CCDC180: variants seen among roughly 807,000 people sequenced by gnomAD.
CCDC180 encodes the protein coiled-coil domain containing 180, also known as coiled-coil domain-containing protein 180.
CCDC180 carries 154 observed loss-of-function variants against 209.2 expected under a neutral mutation model. The ratio of observed to expected loss-of-function variants is 0.74; its 90% confidence interval spans 0.65 to 0.84. CCDC180 has a LOEUF of 0.84. CCDC180 is among the 40% of genes least tolerant of loss of function. The pLI is 0.00. For missense variants in CCDC180, 1,874 were observed against 1,997.3 expected (o/e 0.94, Z 1.18); for synonymous variants, 778 against 749.1 (o/e 1.04, Z -0.63).
chr9:97,330,743 G>A lies in CCDC180; in HGVS notation c.2250G>A (p.Glu750=). ...AGGAGGAGAAGGAGGCACAGGAAGA[G>A]CAAGAGAGTTTATCTGTGGGTGAGG... ...EEKEEKEAQE[E]QESLSVGEEE... is the part of the protein sequence containing the mutation. Residue 750 remains glutamate, a synonymous_variant, in exon 18 of 37, where the codon GAG becomes GAA. Coordinates refer to ENST00000529487, the MANE Select transcript of CCDC180 (RefSeq NM_020893.6). 2.5e-6 allele frequency: 4 copies of A among 1,601,664 alleles called. No homozygotes were observed. The highest frequency in any genetic ancestry group is 3.4e-6 in the Non-Finnish European group (4 of 1,179,280).
chr9:97,319,984 C>A, intron 10 of CCDC180, 142 bp from the exon 11 acceptor site: 1 of 685,308 alleles, frequency 1.5e-6, no homozygotes, highest in South Asian at 1.9e-5. Flanking sequence ...GTTTTGGCAC[C>A]AGGAAATCCC....
Position 97,371,693 on chromosome 9 carries a change from T to C in CCDC180, c.4587T>C (p.Asp1529=), listed in dbSNP as rs148230904. The change falls in exon 34 of 37, where the codon GAT becomes GAC. Residue 1529 remains aspartate (D), a synonymous_variant. Coordinates refer to ENST00000529487, the MANE Select transcript of CCDC180 (RefSeq NM_020893.6). ...TGGATGAGGTGGTCACCATTGACGA[T>C]GTCCAGGTTGCAAGTAAGAGGCACC... is the stretch of plus-strand genomic sequence containing the variant. The part of the protein sequence containing the change: ...LQLDEVVTID[D]VQVARMEPPK... 161 of 1,592,010 alleles carry C rather than the reference T, an allele frequency of 1.0e-4. No homozygotes were observed. Among genetic ancestry groups the C allele is most frequent in the Non-Finnish European group, 1.3e-4 (153 of 1,162,890 alleles).
chr9:97,356,920 T>C (rs958363282), intron 24 of CCDC180, among the ~76,000 whole-genome samples: 3 of 152,244 alleles, frequency 2.0e-5, no homozygotes, highest in Non-Finnish European at 4.4e-5. Flanking sequence ...GATGGGGATA[T>C]GCCAAAATTG....
Position 97,347,449 on chromosome 9 carries a change from A to G in CCDC180, c.2634A>G (p.Arg878=), listed in dbSNP as rs1826293177. 6.5e-7 allele frequency: 1 copy of G among 1,536,050 alleles called. No homozygotes were observed. Among genetic ancestry groups the G allele is most frequent in the African/African-American group, 1.4e-5 (1 of 73,044 alleles). Residue 878 remains arginine (R), a synonymous_variant, in exon 20 of 37, where the codon AGA becomes AGG. Transcript: ENST00000529487. The part of the protein sequence containing the change: ...LELHLHLHQP[R]AQQIEKDIHN... The stretch of plus-strand genomic sequence containing the variant: ...TGCATCTGCACCTGCACCAGCCAAG[A>G]GCCCAGCAGATTGAAAAAGACATCC...
rs753891291 is a variant in CCDC180 at position 97,330,582 on chromosome 9, C to T, written c.2089C>T (p.Gln697Ter). The T allele has an allele frequency of 3.1e-6, 5 of 1,613,910 alleles. No individual in the cohort carries two copies. Among genetic ancestry groups the T allele is most frequent in the Non-Finnish European group, 4.2e-6 (5 of 1,180,002 alleles). The change falls in exon 18 of 37, where the codon CAG becomes TAG. Residue 697 changes from glutamine (Q) to a stop codon, truncating the protein, a stop_gained. Transcript: ENST00000529487. LOFTEE classifies it high-confidence loss of function. ...EGSIQGLEEM[Q>*]VEREGSLNPS... ...CTCTATTCAGGGACTGGAAGAAATG[C>T]AGGTTGAAAGAGAGGGCTCCTTAAA...
intron 4 of CCDC180, among the ~76,000 whole-genome samples, 197 bp downstream of exon 4, chr9:97,312,398 G>A (rs565898170): frequency 4.4e-4 from 67 of 152,140 alleles, no homozygotes; most frequent in Non-Finnish European, 8.5e-4. Flanking sequence ...GCTGGGGGAG[G>A]AGGGGAGCCG....
chr9:97,317,711 C>A (rs968198030), intron 9 of CCDC180, among the ~76,000 whole-genome samples: 2 of 152,150 alleles, frequency 1.3e-5, no homozygotes, highest in Admixed American at 1.3e-4. Context: ...GTCCCTTGTC[C>A]ATGCTTCTTC....
intron 18 of CCDC180, among the ~76,000 whole-genome samples, chr9:97,339,500 G>C (rs1826012486): frequency 7.1e-6 from 1 of 140,264 alleles, no homozygotes; most frequent in Non-Finnish European, 1.5e-5. Context: ...CTCTCTTCTG[G>C]CTTGCAGGGT....
Position 97,343,328 on chromosome 9 carries a change from T to C in CCDC180, c.2275-12T>C. 6.4e-7 allele frequency: 1 copy of C among 1,551,362 alleles called. No individual in the cohort carries two copies. Among genetic ancestry groups the C allele is most frequent in the South Asian group, 1.1e-5 (1 of 89,554 alleles). On this transcript the variant is annotated splice_polypyrimidine_tract_variant and intron_variant, in intron 18 of 36. Transcript: ENST00000529487. ...TGATATCAAGTCAACTTTAGTGTTA[T>C]TGCCTGCTTAGGAAGAAGACAAGGA...
intron 18 of CCDC180, among the ~76,000 whole-genome samples, chr9:97,333,746 T>C (rs1369046617): frequency 6.6e-6 from 1 of 151,916 alleles, no homozygotes; most frequent in Non-Finnish European, 1.5e-5. Context: ...TGATAATGTA[T>C]TAATACTTTT....
Position 97,363,901 on chromosome 9 carries a change from G to A in CCDC180, c.3903-150G>A, listed in dbSNP as rs751731175. The A allele has an allele frequency of 1.2e-5, 8 of 676,348 alleles. No homozygotes were observed. The Admixed American group carries it at 1.3e-4, about 11-fold the overall frequency. 41.9% of individuals were successfully genotyped at this position (676,348 alleles called of 1,614,324 possible). ...ACTCACAGCTGTTGAGAAGGGAAAC[G>A]CCCCAAAGGGCTAGGCCCTAGAAAT... is the stretch of plus-strand genomic sequence containing the variant. On this transcript the variant is annotated intron_variant, in intron 28 of 36. Coordinates refer to ENST00000529487, the MANE Select transcript of CCDC180 (RefSeq NM_020893.6).
At position 97,359,999 on chromosome 9, in the gene CCDC180, A is replaced by T. The variant is rs1475745874; in HGVS notation, c.3381A>T (p.Glu1127Asp). Residue 1127 changes from glutamate to aspartate, a missense_variant, in exon 26 of 37, where the codon GAA becomes GAT. By Grantham distance (45) the Glu-to-Asp change is conservative. Transcript: ENST00000529487. ...CTCACCAGACAGTGACCACAGAAGA[A>T]CTCCTCAGCTTCGTCCAAACTTGGA... ...RGEKTTVTTE[E>D]LLSFVQTWKE... The T allele has an allele frequency of 6.2e-7, 1 of 1,613,158 alleles. No homozygotes were observed. Among genetic ancestry groups the T allele is most frequent in the African/African-American group, 1.3e-5 (1 of 74,736 alleles).
chr9:97,374,728 G>A, intron 35 of CCDC180, 80 bp downstream of exon 35: 1 of 1,137,972 alleles, frequency 8.8e-7, no homozygotes, highest in South Asian at 1.3e-5. Context: ...TAGGGGCTTG[G>A]ACTCTGAAGT....
At position 97,323,105 on chromosome 9, in the gene CCDC180, A is replaced by G. The variant is rs551347581; in HGVS notation, c.1248+184A>G. Among the ~76,000 whole-genome samples, 8 of 152,102 alleles carry G rather than the reference A, an allele frequency of 5.3e-5. No homozygotes were observed. The East Asian group carries it at 5.8e-4, about 11-fold the overall frequency. ...GAAAATGGCATGGCTTCATAGCCCCAATGCCTGGTGCTCACTGGTCTCTGG... is the reference window on the plus strand; with the variant it reads ...GAAAATGGCATGGCTTCATAGCCCCGATGCCTGGTGCTCACTGGTCTCTGG... On this transcript the variant is annotated intron_variant, in intron 12 of 36. Coordinates refer to ENST00000529487, the MANE Select transcript of CCDC180 (RefSeq NM_020893.6).
In CCDC180 at chr9:97,317,148, G is replaced by T. The variant is rs758351669; in HGVS notation, c.879G>T (p.Glu293Asp). Residue 293 changes from glutamate (E) to aspartate (D), a missense_variant, in exon 9 of 37, where the codon GAG becomes GAT. By Grantham distance (45) the Glu-to-Asp change is conservative. Transcript: ENST00000529487. ...VNLMESTLQQ[E>D]LDSRHRWQGL... ...TGATGGAGTCCACCCTGCAGCAGGA[G>T]CTGGACAGCCGCCACCGCTGGCAAG... The T allele has an allele frequency of 3.1e-6, 5 of 1,613,356 alleles. No individual in the cohort carries two copies. The South Asian group carries it at 4.4e-5, about 14-fold the overall frequency.
chr9:97,327,267 C>T (rs1833564956), intron 15 of CCDC180, among the ~76,000 whole-genome samples: 1 of 152,104 alleles, frequency 6.6e-6, no homozygotes, highest in Non-Finnish European at 1.5e-5. Flanking sequence ...TCATTCCTGC[C>T]CACTTTTCCT....
intron 4 of CCDC180, among the ~76,000 whole-genome samples, 175 bp downstream of exon 4, chr9:97,312,376 C>T (rs1200713675): frequency 6.9e-6 from 1 of 144,688 alleles, no homozygotes; most frequent in Non-Finnish European, 1.6e-5. Flanking sequence ...AGAGTCCTCC[C>T]CTGTGCAGAG....
intron 18 of CCDC180, among the ~76,000 whole-genome samples, chr9:97,339,165 G>T (rs1826000456): frequency 6.6e-6 from 1 of 152,126 alleles, no homozygotes; most frequent in Non-Finnish European, 1.5e-5. Flanking sequence ...TACATTTAAG[G>T]TTAATATTGT....
At chr9:97,374,377 TGTGGCTG>T (rs1432288335) in intron 34 of CCDC180, 159 bp from the exon 35 acceptor site, 99 of 597,906 alleles carry the variant, frequency 1.7e-4, no homozygotes, top group Non-Finnish European at 2.7e-5. Flanking sequence ...CCCCGAGCTG[TGTGGCTG>T]GTGCATTCAG....
Sources: gnomAD v4.1 joint callset for allele counts (sites outside exome capture counted in the v4.1 genomes callset) on GRCh38, gnomAD v4.1.1 for gene constraint, MANE v1.5 for transcripts, NCBI Gene and HGNC (gene_info 2026-07-23, HGNC 2026-07-21) for gene names.